The following TULP4 variants were observed in gnomAD, a reference collection of about 807,000 sequenced individuals.
TULP4 encodes tubby-related protein 4.
Under a neutral mutation model 129.0 loss-of-function variants are expected in TULP4, and 16 were observed. The ratio of observed to expected loss-of-function variants is 0.12; its 90% CI spans 0.08 to 0.19. The LOEUF (loss-of-function observed/expected upper bound fraction) is 0.19. Among genes scored for constraint, TULP4 ranks in the 10% least tolerant of loss-of-function variants. The pLI is 1.00. For synonymous variants in TULP4, 998 were observed against 854.0 expected, an observed-to-expected ratio of 1.17 and a Z score of -2.94; for missense variants, 1,842 against 2,059.1, an observed-to-expected ratio of 0.89 and a Z score of 2.04.
intron 1 of TULP4, among the ~76,000 whole-genome samples, chr6:158,406,164 A>C (rs1035125663): frequency 6.6e-5 from 10 of 152,128 alleles, no homozygotes; most frequent in Admixed American, 2.0e-4. Context: ...TGAACAAGAG[A>C]GAGAAGACAG....
chr6:158,264,934 A>G (rs1389128183), intron 1 of TULP4, among the ~76,000 whole-genome samples: 1 of 152,236 alleles, frequency 6.6e-6, no homozygotes, highest in Non-Finnish European at 1.5e-5. Flanking sequence ...ATGACAAGTT[A>G]GAAGTACTAA....
chr6:158,422,554 T>C (rs1012251466), intron 2 of TULP4, among the ~76,000 whole-genome samples: 1 of 152,006 alleles, frequency 6.6e-6, no homozygotes, highest in Non-Finnish European at 1.5e-5. Flanking sequence ...CGGACACATG[T>C]GGAGCGGTTT....
At chr6:158,256,055 C>T (rs1315323736) in intron 1 of TULP4, among the ~76,000 whole-genome samples, 1 of 152,158 alleles carries the variant, frequency 6.6e-6, no homozygotes, top group Non-Finnish European at 1.5e-5. Context: ...ATGCAGTGAA[C>T]TCTTACTATT....
Position 158,378,449 on chromosome 6 carries a change from G to A in TULP4, c.253-34616G>A, listed in dbSNP as rs577882747. ...ATTATATATAAAAATTGAGCAGTTA[G>A]GATGGGGGAGCCAGTTTTTTTTTTT... On this transcript the variant is annotated intron_variant, in intron 1 of 13. Transcript: ENST00000367097. 1.2e-3 allele frequency among the ~76,000 whole-genome samples: 169 copies of A among 144,350 alleles called. 1 individual carries two copies. The highest frequency in any genetic ancestry group is 2.1e-3 in the Non-Finnish European group (136 of 65,856). The allele number at this position is 144,350 out of a possible 152,430, so 94.7% of individuals were successfully genotyped here.
At chr6:158,482,671 C>A (rs1779974784) in intron 8 of TULP4, among the ~76,000 whole-genome samples, 1 of 152,180 alleles carries the variant, frequency 6.6e-6, no homozygotes, top group Non-Finnish European at 1.5e-5. Context: ...GGGACAGGCC[C>A]TGAGCCCAGG....
intron 1 of TULP4, among the ~76,000 whole-genome samples, chr6:158,294,028 G>T (rs1464342328): frequency 1.3e-5 from 2 of 152,274 alleles, no homozygotes; most frequent in African/African-American, 2.4e-5. Flanking sequence ...ATATTTGTAG[G>T]TTCTGGAAAA....
intron 3 of TULP4, among the ~76,000 whole-genome samples, chr6:158,444,693 GGTTT>G (rs1044511770): frequency 5.7e-4 from 86 of 152,078 alleles, no homozygotes; most frequent in African/African-American, 2.0e-3. Context: ...GTTGTGGCTT[GGTTT>G]ATTTTAAACT....
At chr6:158,316,367 T>C (rs7767827) in intron 1 of TULP4, among the ~76,000 whole-genome samples, 3,485 of 152,340 alleles carry the variant, frequency 0.023, 114 homozygotes, top group African/African-American at 0.073. Flanking sequence ...TATTTACACC[T>C]CATCATTAAT....
chr6:158,332,200 A>AATATATATAT (rs776893885), intron 1 of TULP4, among the ~76,000 whole-genome samples: 30 of 18,002 alleles, frequency 1.7e-3, no homozygotes, highest in African/African-American at 4.7e-3. Flanking sequence ...AAAAAAAAAA[A>AATATATATAT]ATATATATAT....
At chr6:158,448,831 G>C (rs1013893569) in intron 3 of TULP4, among the ~76,000 whole-genome samples, 165 bp from the exon 4 acceptor site, 19 of 152,250 alleles carry the variant, frequency 1.2e-4, no homozygotes, top group African/African-American at 4.3e-4. Context: ...GGAATAGCCA[G>C]CAGAGGTTCT....
intron 3 of TULP4, among the ~76,000 whole-genome samples, chr6:158,443,952 G>A (rs556331384): frequency 1.3e-5 from 2 of 152,070 alleles, no homozygotes; most frequent in East Asian, 3.9e-4. Flanking sequence ...GGGTGCGGTG[G>A]CTCACGCCTG....
chr6:158,386,933 A>G (rs1284507269), intron 1 of TULP4, among the ~76,000 whole-genome samples: 2 of 152,234 alleles, frequency 1.3e-5, no homozygotes, highest in African/African-American at 2.4e-5. Flanking sequence ...GAGAATTAGT[A>G]TATTTTCTGT....
intron 1 of TULP4, among the ~76,000 whole-genome samples, chr6:158,239,968 A>T (rs1180271132): frequency 1.1e-5 from 1 of 90,092 alleles, no homozygotes; most frequent in Non-Finnish European, 2.5e-5. Context: ...TCCCTCCCGG[A>T]CGGGGCGGCT....
chr6:158,423,610 TTTG>T (rs139327095), intron 2 of TULP4, among the ~76,000 whole-genome samples: 20 of 145,260 alleles, frequency 1.4e-4, no homozygotes, highest in African/African-American at 2.1e-4. Flanking sequence ...TTTAAACTTG[TTTG>T]TTGTTATTTG....
At chr6:158,356,964 G>A (rs746071200) in intron 1 of TULP4, among the ~76,000 whole-genome samples, 5 of 152,110 alleles carry the variant, frequency 3.3e-5, no homozygotes, top group Non-Finnish European at 5.9e-5. Flanking sequence ...TAGCAACATG[G>A]GGGTAGGCAC....
rs553588228 is a variant in TULP4 at position 158,481,109 on chromosome 6, G to A, written c.1306G>A (p.Gly436Ser). The A allele has an allele frequency of 1.6e-4, 262 of 1,600,262 alleles. 4 individuals are homozygous for A. In the South Asian group the frequency reaches 2.6e-3, roughly 16 times the overall value. Residue 436 changes from glycine to serine, a missense_variant, in exon 8 of 14, where the codon GGC (glycine) becomes AGC (serine). Coordinates refer to ENST00000367097, the MANE Select transcript of TULP4 (RefSeq NM_020245.5). The part of the protein sequence containing the change: ...MRDFVSYPSA[G>S]NERLHCTMKR... ...AGACTTTGTCAGCTACCCATCAGCC[G>A]GCAACGAGCGGCTGCACTGCACCAT...
intron 3 of TULP4, 128 bp from the exon 4 acceptor site, chr6:158,448,865 CTGT>C (rs1237244654): frequency 1.2e-6 from 1 of 865,912 alleles, no homozygotes. Flanking sequence ...TGTCACTGTG[CTGT>C]TGTTACTTAA....
intron 1 of TULP4, among the ~76,000 whole-genome samples, chr6:158,378,526 C>T (rs1162610893): frequency 7.6e-6 from 1 of 131,498 alleles, no homozygotes; most frequent in Non-Finnish European, 1.5e-5. Flanking sequence ...GCTCTGTTGC[C>T]CAGACTGGAG....
chr6:158,342,947 ATGTG>A lies in TULP4; in HGVS notation c.252+28715_252+28718del, dbSNP rs5881254. 2.0e-4 allele frequency among the ~76,000 whole-genome samples: 30 copies of A among 147,634 alleles called. 1 individual carries two copies. The highest frequency in any genetic ancestry group is 5.3e-4 in the African/African-American group (21 of 39,506). On this transcript the variant is annotated intron_variant, in intron 1 of 13. Transcript: ENST00000367097. The stretch of plus-strand genomic sequence containing the variant: ...TAGTGAACGATGAGATTAAAAATAA[ATGTG>A]TGTGTGTGTGTGTGTGTGTGTGTGT...
Sources: gnomAD v4.1 joint callset for allele counts (sites outside exome capture counted in the v4.1 genomes callset) on GRCh38, gnomAD v4.1.1 for gene constraint, MANE v1.5 for transcripts, NCBI Gene and HGNC (gene_info 2026-07-23, HGNC 2026-07-21) for gene names.